The following METTL15 variants were observed in gnomAD, a reference collection of about 807,000 sequenced individuals.
METTL15 encodes the protein 12S rRNA N(4)-cytidine methyltransferase METTL15.
In METTL15, 34 loss-of-function variants were observed where a neutral mutation model predicts 38.3. The ratio of observed to expected loss-of-function variants is 0.89; its 90% CI spans 0.68 to 1.18. The LOEUF is 1.18. Ranked by LOEUF, METTL15 falls within the 50% of genes most tolerant of loss-of-function variation. The pLI, the probability that METTL15 is intolerant of heterozygous loss-of-function variation, is 0.00. For missense variants in METTL15, 438 were observed against 498.4 expected, an observed-to-expected ratio of 0.88 and a Z score of 1.15; for synonymous variants, 162 against 170.9, an observed-to-expected ratio of 0.95 and a Z score of 0.41.
chr11:28,315,440 A>G (rs945650899), intron 6 of METTL15, among the ~76,000 whole-genome samples: 1 of 152,246 alleles, frequency 6.6e-6, no homozygotes, highest in Non-Finnish European at 1.5e-5. Context: ...GCAGCAAAGC[A>G]TTCAAGAGGT....
intron 3 of METTL15, among the ~76,000 whole-genome samples, chr11:28,346,608 C>A (rs1305401590): frequency 6.6e-6 from 1 of 152,138 alleles, no homozygotes; most frequent in Admixed American, 6.6e-5. Flanking sequence ...GTCTTTTCAA[C>A]TTCATCAGAA....
chr11:28,207,163 G>T (rs371458602), intron 3 of METTL15, among the ~76,000 whole-genome samples: 1 of 150,612 alleles, frequency 6.6e-6, no homozygotes. Flanking sequence ...GGAGTGGTGA[G>T]AGAGGGCATC....
Position 28,113,404 on chromosome 11 carries a change from C to T in METTL15, c.70C>T (p.Pro24Ser), listed in dbSNP as rs1851801896. Reference sequence around the variant, plus strand: ...TTCATGTTGGTTGGAATCTGGCATACCTAATTTAGGTGTCTGGCCAAACAG... The same window carrying T: ...TTCATGTTGGTTGGAATCTGGCATATCTAATTTAGGTGTCTGGCCAAACAG... ...CLSCWLESGI[P>S]NLGVWPNRIH... The change falls in exon 3 of 7, where the codon CCT (proline) becomes TCT (serine). Residue 24 changes from proline (P) to serine (S), a missense_variant. Pro to Ser is a moderately conservative substitution (Grantham distance 74, BLOSUM62 -1). Transcript: ENST00000407364. 1 of 1,594,786 alleles carries T rather than the reference C, an allele frequency of 6.3e-7. No homozygotes were observed. The highest frequency in any genetic ancestry group is 8.5e-7 in the Non-Finnish European group (1 of 1,169,932).
intron 5 of METTL15, among the ~76,000 whole-genome samples, chr11:28,401,915 T>A (rs1195486310): frequency 6.6e-6 from 1 of 152,058 alleles, no homozygotes; most frequent in African/African-American, 2.4e-5. Context: ...TACAAAAGTG[T>A]ACCTTAATAA....
At chr11:28,244,838 G>A (rs1221552507) in intron 4 of METTL15, among the ~76,000 whole-genome samples, 1 of 152,180 alleles carries the variant, frequency 6.6e-6, no homozygotes, top group East Asian at 1.9e-4. Flanking sequence ...CCTGGCTGGG[G>A]CCGAAGCTAT....
intron 4 of METTL15, among the ~76,000 whole-genome samples, chr11:28,216,151 C>T (rs1044115256): frequency 1.3e-5 from 2 of 151,534 alleles, no homozygotes; most frequent in Admixed American, 6.6e-5. Flanking sequence ...TGATGTGCTC[C>T]TTAGTTTGTA....
At chr11:28,162,871 A>G (rs890379125) in intron 3 of METTL15, among the ~76,000 whole-genome samples, 4 of 152,170 alleles carry the variant, frequency 2.6e-5, no homozygotes, top group Non-Finnish European at 5.9e-5. Context: ...CTGAATGCAT[A>G]TAACTTTCAC....
intron 4 of METTL15, among the ~76,000 whole-genome samples, chr11:28,354,150 C>G (rs1163998804): frequency 2.0e-5 from 3 of 152,154 alleles, no homozygotes; most frequent in Non-Finnish European, 4.4e-5. Flanking sequence ...AACAGCGCAT[C>G]TATGGGGCTA....
At chr11:28,420,010 C>T (rs374907580) in intron 5 of METTL15, among the ~76,000 whole-genome samples, 3 of 151,782 alleles carry the variant, frequency 2.0e-5, no homozygotes, top group African/African-American at 7.3e-5. Flanking sequence ...GAATGAAGAC[C>T]GTCTACAAGA....
chr11:28,517,464 T>G (rs1047914151), intron 6 of METTL15: 1 of 152,184 alleles, frequency 6.6e-6, no homozygotes, highest in Non-Finnish European at 1.5e-5. Flanking sequence ...GAGGCAATCC[T>G]TTCGTTGTGA....
At chr11:28,154,735 T>G (rs115337681) in intron 3 of METTL15, among the ~76,000 whole-genome samples, 12 of 152,082 alleles carry the variant, frequency 7.9e-5, no homozygotes, top group African/African-American at 2.9e-4. Context: ...AAATGACACC[T>G]GCAAAATGTC....
chr11:28,297,009 G>T (rs975410336), intron 6 of METTL15, 78 bp downstream of exon 6: 1 of 1,394,764 alleles, frequency 7.2e-7, no homozygotes. Context: ...GTGCATGCAC[G>T]CATGCACATG....
At chr11:28,254,172 TC>T (rs1204220947) in intron 4 of METTL15, among the ~76,000 whole-genome samples, 1 of 152,172 alleles carries the variant, frequency 6.6e-6, no homozygotes, top group African/African-American at 2.4e-5. Flanking sequence ...ATAAACCATT[TC>T]AACTGGAGTG....
intron 5 of METTL15, among the ~76,000 whole-genome samples, chr11:28,406,652 T>C (rs1032869593): frequency 6.6e-6 from 1 of 152,184 alleles, no homozygotes; most frequent in Non-Finnish European, 1.5e-5. Flanking sequence ...TGACTTCATC[T>C]CTTCCTGTTC....
intron 3 of METTL15, among the ~76,000 whole-genome samples, chr11:28,148,409 G>T (rs948026421): frequency 6.6e-6 from 1 of 151,600 alleles, no homozygotes; most frequent in East Asian, 1.9e-4. Context: ...TATTTTTCTT[G>T]TTTCTTTCTT....
At chr11:28,293,907 A>G (rs1043051867) in intron 5 of METTL15, among the ~76,000 whole-genome samples, 18 of 152,072 alleles carry the variant, frequency 1.2e-4, no homozygotes, top group African/African-American at 4.1e-4. Flanking sequence ...CATTGATTTT[A>G]TATCCTGAGA....
At chr11:28,492,590 GAGC>G (rs1236473162) in intron 6 of METTL15, among the ~76,000 whole-genome samples, 1 of 151,908 alleles carries the variant, frequency 6.6e-6, no homozygotes, top group Admixed American at 6.6e-5. Flanking sequence ...CTATTGTCAT[GAGC>G]AATTCGTGAT....
At chr11:28,370,258 C>T (rs1346887470) in intron 5 of METTL15, among the ~76,000 whole-genome samples, 1 of 151,874 alleles carries the variant, frequency 6.6e-6, no homozygotes, top group Non-Finnish European at 1.5e-5. Flanking sequence ...CCAATCTATA[C>T]TAAAGCTTTG....
chr11:28,429,782 G>A (rs1850898833), intron 6 of METTL15, among the ~76,000 whole-genome samples: 2 of 46,692 alleles, frequency 4.3e-5, no homozygotes, highest in East Asian at 5.6e-4. Flanking sequence ...CCGCCACCCC[G>A]TCTGGGAAGT....
Sources: allele counts gnomAD v4.1 joint callset (sites outside exome capture counted in the v4.1 genomes callset), GRCh38; gene constraint gnomAD v4.1.1; transcripts MANE v1.5; gene names NCBI Gene and HGNC (gene_info 2026-07-23, HGNC 2026-07-21).